Variants in KCNIP4 observed in about 807,000 individuals in gnomAD.
KCNIP4 encodes the protein Kv channel-interacting protein 4.
A neutral mutation model predicts 34.0 loss-of-function variants in KCNIP4; 12 were observed. That is an observed-to-expected ratio of 0.35 (90% CI 0.23 to 0.57). The LOEUF is 0.57. Ranked by LOEUF, KCNIP4 falls within the 20% of genes least tolerant of loss-of-function variation. The probability of loss-of-function intolerance (pLI) is 0.83; values close to 1 mark genes in which losing one functional copy is unlikely to be tolerated. For missense variants in KCNIP4, 238 were observed against 311.7 expected, an observed-to-expected ratio of 0.76 and a Z score of 1.78; for synonymous variants, 124 against 102.2, an observed-to-expected ratio of 1.21 and a Z score of -1.29.
At chr4:21,792,190 ATC>A (rs61510805) in intron 1 of KCNIP4, among the ~76,000 whole-genome samples, 15,817 of 151,596 alleles carry the variant, frequency 0.1, 2,818 homozygotes, top group African/African-American at 0.36. Flanking sequence ...CATAAACCGT[ATC>A]TGTCTTATCC....
chr4:21,372,089 T>C (rs1375843511), intron 1 of KCNIP4, among the ~76,000 whole-genome samples: 1 of 147,316 alleles, frequency 6.8e-6, no homozygotes, highest in Non-Finnish European at 1.5e-5. Context: ...TGATCATTTC[T>C]TTGTAATTAG....
At chr4:20,867,354 A>T (rs2149504625) in intron 2 of KCNIP4, among the ~76,000 whole-genome samples, 1 of 152,116 alleles carries the variant, frequency 6.6e-6, no homozygotes, top group African/African-American at 2.4e-5. Flanking sequence ...AGAATAGAAA[A>T]CCCAGAAATA....
intron 1 of KCNIP4, among the ~76,000 whole-genome samples, chr4:21,946,595 T>A (rs1730524491): frequency 6.6e-6 from 1 of 152,214 alleles, no homozygotes; most frequent in African/African-American, 2.4e-5. Flanking sequence ...ATTACATATT[T>A]GGGGATCATT....
intron 1 of KCNIP4, among the ~76,000 whole-genome samples, chr4:21,005,667 C>T (rs1427400175): frequency 6.6e-6 from 1 of 151,872 alleles, no homozygotes; most frequent in Non-Finnish European, 1.5e-5. Context: ...TGAATTTCAC[C>T]ATAAATATGG....
At chr4:21,056,740 T>C (rs1413457361) in intron 1 of KCNIP4, among the ~76,000 whole-genome samples, 1 of 152,162 alleles carries the variant, frequency 6.6e-6, no homozygotes, top group African/African-American at 2.4e-5. Flanking sequence ...GCTGTTTGTA[T>C]TGATATGGTG....
Position 21,107,449 on chromosome 4 carries a change from T to C in KCNIP4, c.62-224740A>G, listed in dbSNP as rs1748671266. Among the ~76,000 whole-genome samples, 4 of 151,284 alleles carry C rather than the reference T, an allele frequency of 2.6e-5. No individual in the cohort carries two copies. The South Asian group carries it at 8.3e-4, about 31-fold the overall frequency. Reference sequence around the variant, plus strand: ...TGCCTTTTTTTTGTTTTCCATTTGCTCGGTAGATTTTCCTCCATCCTTTTA... The same window carrying C: ...TGCCTTTTTTTTGTTTTCCATTTGCCCGGTAGATTTTCCTCCATCCTTTTA... On this transcript the variant is annotated intron_variant, in intron 1 of 8. Transcript: ENST00000382152.
At chr4:20,916,340 G>A in intron 1 of KCNIP4, 1 of 985,258 alleles carries the variant, frequency 1.0e-6, no homozygotes, top group South Asian at 4.7e-5. Context: ...CAGTTGTTAT[G>A]GTGCACTTGC....
intron 1 of KCNIP4, among the ~76,000 whole-genome samples, chr4:21,542,650 G>A (rs915315869): frequency 2.0e-5 from 3 of 150,898 alleles, no homozygotes; most frequent in Admixed American, 6.6e-5. Flanking sequence ...GTGAACTTAC[G>A]AATTACGTTG....
intron 1 of KCNIP4, among the ~76,000 whole-genome samples, chr4:21,207,843 C>CTTTTTTT (rs531286039): frequency 9.7e-4 from 112 of 115,120 alleles, no homozygotes; most frequent in African/African-American, 2.4e-3. Flanking sequence ...TTTTCTTTTT[C>CTTTTTTT]TTTTTTTTTT....
intron 4 of KCNIP4, among the ~76,000 whole-genome samples, chr4:20,758,512 T>C (rs1754671061): frequency 6.6e-6 from 1 of 152,182 alleles, no homozygotes; most frequent in South Asian, 2.1e-4. Context: ...CTACAATGCA[T>C]GTGAATGAGC....
chr4:21,338,653 G>A (rs2109341597), intron 1 of KCNIP4, among the ~76,000 whole-genome samples: 1 of 151,214 alleles, frequency 6.6e-6, no homozygotes, highest in African/African-American at 2.4e-5. Context: ...CAAAATGAAA[G>A]TCATAGCATA....
chr4:21,132,838 G>A (rs1040747882), intron 1 of KCNIP4, among the ~76,000 whole-genome samples: 29 of 134,916 alleles, frequency 2.1e-4, no homozygotes, highest in Non-Finnish European at 1.4e-4. Flanking sequence ...GTGAAATGTC[G>A]TCTCTACTAA....
intron 1 of KCNIP4, among the ~76,000 whole-genome samples, chr4:21,091,269 T>C (rs1003198800): frequency 6.6e-6 from 1 of 152,298 alleles, no homozygotes; most frequent in Admixed American, 6.5e-5. Flanking sequence ...AATTCTAGGA[T>C]TAAAATATGG....
chr4:21,578,368 C>A (rs865799547), intron 1 of KCNIP4, among the ~76,000 whole-genome samples: 2 of 139,260 alleles, frequency 1.4e-5, no homozygotes, highest in East Asian at 4.5e-4. Flanking sequence ...AGAGTTCATG[C>A]TAGCTAAATG....
At chr4:21,075,435 G>T (rs1745393233) in intron 1 of KCNIP4, among the ~76,000 whole-genome samples, 1 of 152,034 alleles carries the variant, frequency 6.6e-6, no homozygotes, top group African/African-American at 2.4e-5. Flanking sequence ...TTTAAAGTCT[G>T]TTTTATCCGA....
chr4:21,306,793 G>C (rs1712509705), intron 1 of KCNIP4, among the ~76,000 whole-genome samples: 2 of 151,974 alleles, frequency 1.3e-5, no homozygotes. Flanking sequence ...TTGATGACCT[G>C]GGGCTGAGAA....
At chr4:21,709,292 C>T (rs1713531815) in intron 1 of KCNIP4, among the ~76,000 whole-genome samples, 1 of 152,098 alleles carries the variant, frequency 6.6e-6, no homozygotes, top group Admixed American at 6.6e-5. Context: ...TTTCTACTTA[C>T]CAGGTAGAGG....
intron 1 of KCNIP4, among the ~76,000 whole-genome samples, chr4:20,995,151 G>T (rs1383559083): frequency 5.3e-5 from 8 of 152,166 alleles, no homozygotes; most frequent in Non-Finnish European, 8.8e-5. Context: ...AGGTTTGCAT[G>T]ATCTGAAATC....
At chr4:21,060,347 G>A (rs542672553) in intron 1 of KCNIP4, among the ~76,000 whole-genome samples, 16 of 151,132 alleles carry the variant, frequency 1.1e-4, no homozygotes, top group South Asian at 8.4e-4. Context: ...AATATCTTGC[G>A]GTTAACCCAG....
Sources: gnomAD v4.1 joint callset for allele counts (sites outside exome capture counted in the v4.1 genomes callset) on GRCh38, gnomAD v4.1.1 for gene constraint, MANE v1.5 for transcripts, NCBI Gene and HGNC (gene_info 2026-07-23, HGNC 2026-07-21) for gene names.